The following LARGE1 variants were observed in gnomAD, a reference collection of about 807,000 sequenced individuals.
The protein encoded by LARGE1 is LARGE xylosyl- and glucuronyltransferase 1.
LARGE1 carries 43 observed loss-of-function variants against 87.6 expected under a neutral mutation model. That is an observed-to-expected ratio of 0.49 (90% CI 0.38 to 0.63). The LOEUF is 0.63. Ranked by LOEUF, LARGE1 falls within the 30% of genes least tolerant of loss-of-function variation. The probability of loss-of-function intolerance (pLI) is 0.00; values close to 1 mark genes in which losing one functional copy is unlikely to be tolerated. For missense variants in LARGE1, 802 were observed against 1,000.2 expected (o/e 0.80, Z 2.67); for synonymous variants, 434 against 394.6 (o/e 1.10, Z -1.18).
chr22:33,339,829 G>T (rs1490229970), intron 9 of LARGE1, among the ~76,000 whole-genome samples: 1 of 151,972 alleles, frequency 6.6e-6, no homozygotes, highest in African/African-American at 2.4e-5. Flanking sequence ...ACTATGCACA[G>T]CTAAGTTTTT....
chr22:33,201,408 AAAAG>A (rs1430710900), intron 11 of LARGE1, among the ~76,000 whole-genome samples: 2 of 145,520 alleles, frequency 1.4e-5, no homozygotes, highest in Admixed American at 7.0e-5. Flanking sequence ...AGAAGGAAGA[AAAAG>A]AAGGAAGGAA....
chr22:33,480,183 C>T (rs2069256328), intron 6 of LARGE1, among the ~76,000 whole-genome samples: 1 of 152,216 alleles, frequency 6.6e-6, no homozygotes, highest in South Asian at 2.1e-4. Flanking sequence ...GCGCAAGGAA[C>T]AGGCACCCTG....
At chr22:33,399,769 C>T (rs1033777512) in intron 7 of LARGE1, among the ~76,000 whole-genome samples, 1 of 152,046 alleles carries the variant, frequency 6.6e-6, no homozygotes, top group Non-Finnish European at 1.5e-5. Flanking sequence ...AGGATGGTCT[C>T]GATCTCCTGA....
At chr22:33,118,991 A>G in the LARGE1 span, among the ~76,000 whole-genome samples, 1 of 152,220 alleles carries the variant, frequency 6.6e-6, no homozygotes, top group East Asian at 1.9e-4. Flanking sequence ...CAGGAGGTCT[A>G]AAGTTAACAA....
intron 6 of LARGE1, among the ~76,000 whole-genome samples, chr22:33,447,082 C>T (rs1203016879): frequency 6.6e-6 from 1 of 152,156 alleles, no homozygotes; most frequent in Non-Finnish European, 1.5e-5. Context: ...TTAGTAGAGA[C>T]AGGGTTTCAC....
the LARGE1 span, among the ~76,000 whole-genome samples, chr22:33,089,440 TTCCTCTTCTTCTTCCTCC>T: frequency 2.2e-5 from 3 of 137,598 alleles, no homozygotes; most frequent in Admixed American, 7.6e-5. Flanking sequence ...CCTCTTCTTC[TTCCTCTTCTTCTTCCTCC>T]TCTTCCTCTT....
chr22:33,096,457 G>A, the LARGE1 span, among the ~76,000 whole-genome samples: 2 of 150,906 alleles, frequency 1.3e-5, no homozygotes, highest in African/African-American at 4.9e-5. Flanking sequence ...AATTTCTCGA[G>A]GTAGTTGAGA....
chr22:33,449,831 G>A (rs7284478), intron 6 of LARGE1, among the ~76,000 whole-genome samples: 50,241 of 151,994 alleles, frequency 0.33, 9,005 homozygotes, highest in African/African-American at 0.46. Flanking sequence ...GTGCCCTGAA[G>A]ATGCCCATCA....
chr22:33,433,486 C>T (rs1375041609), intron 6 of LARGE1, among the ~76,000 whole-genome samples: 1 of 151,412 alleles, frequency 6.6e-6, no homozygotes, highest in African/African-American at 2.4e-5. Flanking sequence ...GTCCCAGCTA[C>T]TTGGGAGGCT....
chr22:33,617,365 C>A (rs2079610129), intron 4 of LARGE1, among the ~76,000 whole-genome samples: 1 of 152,144 alleles, frequency 6.6e-6, no homozygotes, highest in African/African-American at 2.4e-5. Flanking sequence ...CAGCCAAAGC[C>A]TATGAGTCTA....
intron 7 of LARGE1, among the ~76,000 whole-genome samples, chr22:33,400,390 T>G (rs1355734154): frequency 6.6e-6 from 1 of 152,116 alleles, no homozygotes; most frequent in Non-Finnish European, 1.5e-5. Context: ...TGCAGAGCCA[T>G]CTGGGGGAGG....
At chr22:33,384,082 A>T in intron 8 of LARGE1, 110 bp downstream of exon 8, 1 of 827,444 alleles carries the variant, frequency 1.2e-6, no homozygotes, top group African/African-American at 1.7e-5. Flanking sequence ...GAGCACACAG[A>T]GTCACACAAT....
chr22:33,265,936 C>T (rs970441012), intron 11 of LARGE1, among the ~76,000 whole-genome samples: 8 of 152,260 alleles, frequency 5.3e-5, no homozygotes, highest in South Asian at 4.1e-4. Context: ...CCCTCACAAA[C>T]GATTCATATA....
At chr22:33,383,334 C>T (rs892567579) in intron 8 of LARGE1, among the ~76,000 whole-genome samples, 3 of 151,972 alleles carry the variant, frequency 2.0e-5, no homozygotes, top group South Asian at 2.1e-4. Flanking sequence ...CTGAGGCAGG[C>T]GGATCATCTG....
chr22:33,125,936 CG>C, the LARGE1 span, among the ~76,000 whole-genome samples: 1 of 151,990 alleles, frequency 6.6e-6, no homozygotes, highest in East Asian at 1.9e-4. Context: ...TTAATAGAGA[CG>C]GGGTTTCACT....
intron 11 of LARGE1, among the ~76,000 whole-genome samples, chr22:33,171,026 A>G (rs1265653086): frequency 1.3e-5 from 2 of 152,194 alleles, no homozygotes; most frequent in Non-Finnish European, 2.9e-5. Flanking sequence ...AGATGGAGAT[A>G]AGGAAGTTTT....
intron 5 of LARGE1, among the ~76,000 whole-genome samples, chr22:33,579,700 C>T (rs2078457087): frequency 1.3e-5 from 2 of 152,146 alleles, no homozygotes; most frequent in South Asian, 4.1e-4. Context: ...GGGTTTGGAA[C>T]ACAAGCCATG....
intron 6 of LARGE1, among the ~76,000 whole-genome samples, chr22:33,540,499 A>G (rs1000930978): frequency 6.6e-6 from 1 of 152,250 alleles, no homozygotes; most frequent in Non-Finnish European, 1.5e-5. Flanking sequence ...GACAAGTGCC[A>G]GGATTTTAAT....
chr22:33,780,596 A>G (rs1162710665), intron 1 of LARGE1, among the ~76,000 whole-genome samples: 1 of 152,224 alleles, frequency 6.6e-6, no homozygotes, highest in Non-Finnish European at 1.5e-5. Context: ...TGATGAACAC[A>G]GCCTCTCTGA....
Sources: allele counts gnomAD v4.1 joint callset (sites outside exome capture counted in the v4.1 genomes callset), GRCh38; gene constraint gnomAD v4.1.1; transcripts MANE v1.5; gene names NCBI Gene and HGNC (gene_info 2026-07-23, HGNC 2026-07-21).